Variants in ALDH7A1 observed in about 807,000 individuals in gnomAD.
ALDH7A1 encodes aldehyde dehydrogenase 7 family member A1.
In ALDH7A1, 63 loss-of-function variants were observed where a neutral mutation model predicts 79.9. The ratio of observed to expected loss-of-function variants is 0.79; its 90% confidence interval spans 0.64 to 0.97. The LOEUF (loss-of-function observed/expected upper bound fraction) is 0.97, where lower values mean the gene tolerates loss of function less well. ALDH7A1 is among the 50% of genes least tolerant of loss of function. The pLI, the probability that ALDH7A1 is intolerant of heterozygous loss-of-function variation, is 0.00. For missense variants in ALDH7A1, 627 were observed against 665.2 expected (o/e 0.94, Z 0.63); for synonymous variants, 240 against 231.2 (o/e 1.04, Z -0.34).
intron 2 of ALDH7A1, among the ~76,000 whole-genome samples, chr5:126,593,110 C>T (rs1751606678): frequency 6.6e-6 from 1 of 152,178 alleles, no homozygotes; most frequent in Admixed American, 6.5e-5. Context: ...TCTTTCTACG[C>T]TTCACCTTTT....
chr5:126,569,910 G>A (rs1004859087), intron 8 of ALDH7A1: 3 of 152,192 alleles, frequency 2.0e-5, no homozygotes, highest in Non-Finnish European at 4.4e-5. Context: ...ACCAGTATGG[G>A]TTGTAAGACT....
At chr5:126,573,636 T>C (rs1283898382) in intron 7 of ALDH7A1, among the ~76,000 whole-genome samples, 4 of 150,234 alleles carry the variant, frequency 2.7e-5, no homozygotes, top group Non-Finnish European at 5.9e-5. Flanking sequence ...AGGCAGAGGT[T>C]TCAGTGAGCC....
Position 126,542,495 on chromosome 5 carries a change from C to T in ALDH7A1, c.*2470G>A, listed in dbSNP as rs924279323. The T allele has an allele frequency of 4.6e-5, 7 of 151,902 alleles. No homozygotes were observed. The highest frequency in any genetic ancestry group is 7.3e-5 in the African/African-American group (3 of 41,322). The allele number at this position is 151,902 out of a possible 1,614,324, so 9.4% of individuals were successfully genotyped here. On this transcript the variant is annotated 3_prime_UTR_variant, in exon 18 of 18. Transcript: ENST00000409134. ...CATGAGCAATGTAGTATGACCCAATCTTTACAAAAAAAAATAATAATCAGC... is the reference window on the plus strand; with the variant it reads ...CATGAGCAATGTAGTATGACCCAATTTTTACAAAAAAAAATAATAATCAGC...
In ALDH7A1 at chr5:126,542,756, G is replaced by C. The variant is rs1749650473; in HGVS notation, c.*2209C>G. The C allele has an allele frequency of 6.6e-6, 1 of 152,194 alleles. No individual in the cohort carries two copies. The highest frequency in any genetic ancestry group is 2.1e-4 in the South Asian group (1 of 4,830). 9.4% of individuals were successfully genotyped at this position (152,194 alleles called of 1,614,324 possible). A position where few individuals can be genotyped will look rare whatever the true frequency, so the allele number is the denominator to read the frequency against. ...AAAGTAGGAAGCAGAGTACATAATA[G>C]CACTCAATTTCCTTTGAGAAAACTG... On this transcript the variant is annotated 3_prime_UTR_variant, in exon 18 of 18. Transcript: ENST00000409134.
chr5:126,551,951 T>A lies in ALDH7A1; in HGVS notation c.1317+70A>T, dbSNP rs950141150. 3.2e-6 allele frequency: 4 copies of A among 1,240,790 alleles called. No homozygotes were observed. In the African/African-American group the frequency reaches 4.4e-5, roughly 14 times the overall value. 76.9% of individuals were successfully genotyped at this position (1,240,790 alleles called of 1,614,324 possible). On this transcript the variant is annotated intron_variant, in intron 14 of 17. Coordinates refer to ENST00000409134, the MANE Select transcript of ALDH7A1 (RefSeq NM_001182.5). ...CCTCTTAAAGGTTCATCCAGTGAAA[T>A]TTAATCCACCATCATTTTCCTCTTA...
At chr5:126,583,443 T>C (rs1431031851) in intron 4 of ALDH7A1, among the ~76,000 whole-genome samples, 1 of 151,632 alleles carries the variant, frequency 6.6e-6, no homozygotes, top group Non-Finnish European at 1.5e-5. Context: ...ATCCTGCCAT[T>C]GCACTCCAGC....
intron 9 of ALDH7A1, among the ~76,000 whole-genome samples, chr5:126,565,624 T>C (rs1458624658): frequency 1.3e-5 from 2 of 152,196 alleles, no homozygotes; most frequent in African/African-American, 2.4e-5. Context: ...AAAAACTAAT[T>C]TGTCTTTTAA....
At chr5:126,551,719 G>A (rs1750005550) in intron 14 of ALDH7A1, among the ~76,000 whole-genome samples, 1 of 152,114 alleles carries the variant, frequency 6.6e-6, no homozygotes, top group Middle Eastern at 3.2e-3. Flanking sequence ...CCACGGTTCA[G>A]GAGAAGGTGA....
At chr5:126,566,923 T>A (rs968684031) in intron 9 of ALDH7A1, among the ~76,000 whole-genome samples, 1 of 152,204 alleles carries the variant, frequency 6.6e-6, no homozygotes, top group Non-Finnish European at 1.5e-5. Flanking sequence ...AAAAGTAAAG[T>A]AGAGCTTCCT....
At position 126,552,034 on chromosome 5, in the gene ALDH7A1, A is replaced by C. The variant is rs1395479537; in HGVS notation, c.1304T>G (p.Val435Gly). The C allele has an allele frequency of 6.2e-7, 1 of 1,612,870 alleles. No homozygotes were observed. The highest frequency in any genetic ancestry group is 1.1e-5 in the South Asian group (1 of 91,016). Residue 435 changes from valine to glycine, a missense_variant, in exon 14 of 18, where the codon GTC becomes GGC. Coordinates refer to ENST00000409134, the MANE Select transcript of ALDH7A1 (RefSeq NM_001182.5). ...ATGCATTTTTACCTTGAATTTAAAG[A>C]CATAGAGAATCGGAGCAAAAGTCTC... is the stretch of plus-strand genomic sequence containing the variant. The part of the protein sequence containing the change: ...HTETFAPILY[V>G]FKFKNEEEVF...
intron 16 of ALDH7A1, among the ~76,000 whole-genome samples, chr5:126,546,653 A>T (rs1231182445): frequency 6.8e-6 from 1 of 147,794 alleles, no homozygotes; most frequent in Non-Finnish European, 1.5e-5. Flanking sequence ...AGAAACGGTA[A>T]AAAAAAAAAA....
chr5:126,575,435 C>G lies in ALDH7A1; in HGVS notation c.680G>C (p.Ser227Thr). Residue 227 changes from serine to threonine, a missense_variant, in exon 7 of 18, where the codon AGT (serine) becomes ACT (threonine). Ser to Thr is a moderately conservative substitution (Grantham distance 58). Coordinates refer to ENST00000409134, the MANE Select transcript of ALDH7A1 (RefSeq NM_001182.5). ...WKGAPTTSLISVAVTKIIAKV... is the reference protein window; with the variant it reads ...WKGAPTTSLITVAVTKIIAKV... The stretch of plus-strand genomic sequence containing the variant: ...ATGTACTTACTTTGTGACAGCCACA[C>G]TAATGAGGGAAGTGGTTGGAGCTCC... The G allele has an allele frequency of 6.2e-7, 1 of 1,613,432 alleles. No homozygotes were observed. Among genetic ancestry groups the G allele is most frequent in the Non-Finnish European group, 8.5e-7 (1 of 1,179,778 alleles).
Position 126,555,960 on chromosome 5 carries a change from G to C in ALDH7A1, c.1064C>G (p.Ala355Gly). ...CCATGGGTTCCCAACTCGGATCTGT[G>C]CATAGGCCTTTTTAAGTCTGTTTAC... is the stretch of plus-strand genomic sequence containing the variant. ...EVVNRLKKAY[A>G]QIRVGNPWDP... The change falls in exon 12 of 18, where the codon GCA becomes GGA. Residue 355 changes from alanine to glycine, a missense_variant. Coordinates refer to ENST00000409134, the MANE Select transcript of ALDH7A1 (RefSeq NM_001182.5). 2 of 1,613,480 alleles carry C rather than the reference G, an allele frequency of 1.2e-6. No individual in the cohort carries two copies. The highest frequency in any genetic ancestry group is 1.7e-6 in the Non-Finnish European group (2 of 1,179,584).
At chr5:126,565,393 T>G (rs1244384062) in intron 9 of ALDH7A1, among the ~76,000 whole-genome samples, 1 of 31,144 alleles carries the variant, frequency 3.2e-5, no homozygotes, top group Admixed American at 6.5e-4. Context: ...AGATTCCATC[T>G]CAAAAAAAAA....
intron 5 of ALDH7A1, 149 bp from the exon 6 acceptor site, chr5:126,577,360 A>G: frequency 7.2e-6 from 7 of 975,016 alleles, no homozygotes; most frequent in Non-Finnish European, 1.1e-5. Context: ...CAGTACATTA[A>G]CTAATGTACA....
chr5:126,572,425 G>A (rs1389950609), intron 7 of ALDH7A1, among the ~76,000 whole-genome samples: 1 of 152,138 alleles, frequency 6.6e-6, no homozygotes, highest in East Asian at 1.9e-4. Flanking sequence ...CTTTTGTTTT[G>A]TGCCTATGGG....
chr5:126,552,005 CAG>C lies in ALDH7A1; in HGVS notation c.1317+14_1317+15del. The C allele has an allele frequency of 1.3e-6, 2 of 1,568,968 alleles. No homozygotes were observed. Among genetic ancestry groups the C allele is most frequent in the African/African-American group, 2.7e-5 (2 of 74,070 alleles). ...TTTATTTCAACATCAGGCTAGCGAA[CAG>C]AATGCATTTTTACCTTGAATTTAAA... On this transcript the variant is annotated intron_variant, in intron 14 of 17. Transcript: ENST00000409134.
chr5:126,592,249 A>G (rs951097141), intron 3 of ALDH7A1: 2 of 202,878 alleles, frequency 9.9e-6, no homozygotes. Flanking sequence ...TCTTTAAACC[A>G]GGAATGCTGA....
At chr5:126,582,759 C>G (rs1157039880) in intron 5 of ALDH7A1, 92 bp downstream of exon 5, 1 of 1,480,954 alleles carries the variant, frequency 6.8e-7, no homozygotes, top group African/African-American at 1.4e-5. Context: ...TGAAATTTCT[C>G]TTTTGCACAG....
Sources: allele counts gnomAD v4.1 joint callset (sites outside exome capture counted in the v4.1 genomes callset), GRCh38; gene constraint gnomAD v4.1.1; transcripts MANE v1.5; gene names NCBI Gene and HGNC (gene_info 2026-07-23, HGNC 2026-07-21).